GSG1L: variants seen among roughly 807,000 people sequenced by gnomAD.
The protein encoded by GSG1L is germ cell-specific gene 1-like protein.
GSG1L carries 24 observed loss-of-function variants against 42.1 expected under a neutral mutation model. The observed-to-expected ratio is 0.57, with a 90% CI of 0.41 to 0.80. GSG1L has a LOEUF of 0.80. GSG1L is among the 30% of genes least tolerant of loss of function. The pLI is 0.00. For missense variants in GSG1L, 445 were observed against 472.2 expected (o/e 0.94, Z 0.53); for synonymous variants, 215 against 203.5 (o/e 1.06, Z -0.48).
At position 27,897,330 on chromosome 16, in the gene GSG1L, G is replaced by A. The variant is rs78661926; in HGVS notation, c.398-12692C>T. Among the ~76,000 whole-genome samples, 735 of 151,974 alleles carry A rather than the reference G, an allele frequency of 4.8e-3. 5 individuals carry two copies. The highest frequency in any genetic ancestry group is 0.017 in the African/African-American group (689 of 41,458). The stretch of plus-strand genomic sequence containing the variant: ...TTCTTCCTTTTTGAGACAGGGTCTC[G>A]TGCTATCACCCAGGCTGGAGTGCAG... On this transcript the variant is annotated intron_variant, in intron 2 of 6. Coordinates refer to ENST00000447459, the MANE Select transcript of GSG1L (RefSeq NM_001109763.2).
chr16:27,869,177 G>A (rs1245818522), intron 3 of GSG1L, among the ~76,000 whole-genome samples: 1 of 147,278 alleles, frequency 6.8e-6, no homozygotes, highest in African/African-American at 2.7e-5. Flanking sequence ...GATCTTCTAG[G>A]ACCTTCCTTG....
rs1190468603 is a variant in GSG1L, at chr16:27,789,614, T to A, written c.*1756A>T. On this transcript the variant is annotated 3_prime_UTR_variant, in exon 7 of 7. Transcript: ENST00000447459. ...GATGATGGATAGATGGAGGAATGGATAATGGATAAATAGCTAACGAATGGG... is the reference window on the plus strand; with the variant it reads ...GATGATGGATAGATGGAGGAATGGAAAATGGATAAATAGCTAACGAATGGG... 6.6e-6 allele frequency: 1 copy of A among 151,302 alleles called. No homozygotes were observed. Among genetic ancestry groups the A allele is most frequent in the East Asian group, 2.0e-4 (1 of 5,084 alleles). The allele number at this position is 151,302 out of a possible 1,614,324, so 9.4% of individuals were successfully genotyped here.
At chr16:27,869,032 G>C (rs1596569802) in intron 3 of GSG1L, among the ~76,000 whole-genome samples, 1 of 152,332 alleles carries the variant, frequency 6.6e-6, no homozygotes, top group South Asian at 2.1e-4. Flanking sequence ...AGGGAGGAGG[G>C]AAGGAAGGAG....
At chr16:27,928,687 G>T (rs539866787) in intron 2 of GSG1L, among the ~76,000 whole-genome samples, 1 of 152,166 alleles carries the variant, frequency 6.6e-6, no homozygotes, top group Non-Finnish European at 1.5e-5. Flanking sequence ...TTAGAAAGTC[G>T]CCAAGCAGGC....
chr16:27,840,336 C>T (rs940711243), intron 4 of GSG1L, among the ~76,000 whole-genome samples: 2 of 152,086 alleles, frequency 1.3e-5, no homozygotes, highest in Non-Finnish European at 2.9e-5. Context: ...TGCCCAGCCC[C>T]TCTCCCATCT....
chr16:27,822,656 T>TG (rs2083162745), intron 5 of GSG1L, among the ~76,000 whole-genome samples: 1 of 152,100 alleles, frequency 6.6e-6, no homozygotes, highest in African/African-American at 2.4e-5. Context: ...TAGACTTAAG[T>TG]GATCTGCCTG....
intron 1 of GSG1L, among the ~76,000 whole-genome samples, chr16:27,980,914 A>AAAAAAAG (rs2085319307): frequency 6.6e-6 from 1 of 151,512 alleles, no homozygotes; most frequent in African/African-American, 2.4e-5. Flanking sequence ...AAAAAAAAAA[A>AAAAAAAG]AAAGAAAGAA....
At chr16:27,981,581 T>C (rs1186236560) in intron 1 of GSG1L, among the ~76,000 whole-genome samples, 1 of 152,336 alleles carries the variant, frequency 6.6e-6, no homozygotes, top group African/African-American at 2.4e-5. Context: ...CTGCTGATGA[T>C]ATTTTGATTT....
chr16:28,009,785 TCA>T (rs2085691719), intron 1 of GSG1L, among the ~76,000 whole-genome samples: 1 of 152,234 alleles, frequency 6.6e-6, no homozygotes, highest in South Asian at 2.1e-4. Flanking sequence ...TCTCTGAGTC[TCA>T]GTTTCCTCAT....
chr16:27,879,556 AGT>A (rs1210411850), intron 3 of GSG1L, among the ~76,000 whole-genome samples: 2 of 152,222 alleles, frequency 1.3e-5, no homozygotes, highest in African/African-American at 2.4e-5. Flanking sequence ...TCGACACTGC[AGT>A]GAGCTGTGAT....
intron 6 of GSG1L, among the ~76,000 whole-genome samples, chr16:27,794,901 C>CT (rs1341037178): frequency 6.6e-6 from 1 of 152,030 alleles, no homozygotes; most frequent in Non-Finnish European, 1.5e-5. Context: ...CAAATGCTGC[C>CT]TGCTCTGGGA....
At chr16:27,843,274 G>A (rs948214743) in intron 4 of GSG1L, among the ~76,000 whole-genome samples, 3 of 152,032 alleles carry the variant, frequency 2.0e-5, no homozygotes, top group African/African-American at 7.3e-5. Context: ...CAAGGGTTTG[G>A]GTGAGGCTAA....
At chr16:27,946,627 GAGAGAA>G (rs1427514844) in intron 2 of GSG1L, among the ~76,000 whole-genome samples, 1 of 21,038 alleles carries the variant, frequency 4.8e-5, no homozygotes, top group Non-Finnish European at 8.0e-5. Context: ...GAGAGAGAGA[GAGAGAA>G]AGAAAGAAAG....
At chr16:27,921,546 A>G (rs1408178517) in intron 2 of GSG1L, among the ~76,000 whole-genome samples, 1 of 152,042 alleles carries the variant, frequency 6.6e-6, no homozygotes, top group Admixed American at 6.5e-5. Context: ...TGAATTTCCC[A>G]CCATTCCCCA....
chr16:27,946,579 AAGAGAGAGAGAGAGAGAGAG>A (rs1166800286), intron 2 of GSG1L, among the ~76,000 whole-genome samples: 77 of 37,008 alleles, frequency 2.1e-3, no homozygotes, highest in Non-Finnish European at 2.8e-3. Context: ...GAAAGAAAGA[AAGAGAGAGAGAGAGAGAGAG>A]AGAGAGAGAG....
At position 28,063,503 on chromosome 16, in the gene GSG1L, C is replaced by T; in HGVS notation, c.-79G>A. ...GTTGGCAGCTGGCGCCCCGCGTCAG[C>T]GGCCGCTGCCCGCCGCGCCCCGGGG... On this transcript the variant is annotated 5_prime_UTR_variant, in exon 1 of 7. Coordinates refer to ENST00000447459, the MANE Select transcript of GSG1L (RefSeq NM_001109763.2). This position sits in a 1 kb window ranked among gnomAD's most constrained non-coding sequence, Gnocchi z 5.8. 2.1e-6 allele frequency: 2 copies of T among 940,440 alleles called. No homozygotes were observed. The highest frequency in any genetic ancestry group is 2.6e-6 in the Non-Finnish European group (2 of 757,934). The allele number at this position is 940,440 out of a possible 1,614,324, so 58.3% of individuals were successfully genotyped here.
intron 2 of GSG1L, among the ~76,000 whole-genome samples, chr16:27,898,848 A>G (rs1347464875): frequency 6.6e-6 from 1 of 152,212 alleles, no homozygotes; most frequent in Non-Finnish European, 1.5e-5. Flanking sequence ...ATTCTTTTGA[A>G]AACATGGAAG....
intron 2 of GSG1L, among the ~76,000 whole-genome samples, chr16:27,889,676 G>A (rs1286218334): frequency 6.6e-6 from 1 of 152,156 alleles, no homozygotes; most frequent in Non-Finnish European, 1.5e-5. Flanking sequence ...TCTGAGCTGT[G>A]ACCCACACTA....
chr16:28,001,181 G>A (rs570579558), intron 1 of GSG1L, among the ~76,000 whole-genome samples: 11 of 152,272 alleles, frequency 7.2e-5, no homozygotes, highest in South Asian at 2.1e-4. Context: ...CCAGGGAGGC[G>A]ACTGGGATCC....
Sources: allele counts gnomAD v4.1 joint callset (sites outside exome capture counted in the v4.1 genomes callset), GRCh38; gene constraint gnomAD v4.1.1; non-coding constraint Gnocchi (gnomAD v3.1); transcripts MANE v1.5; gene names NCBI Gene and HGNC (gene_info 2026-07-23, HGNC 2026-07-21).